URI1: variants seen among roughly 807,000 people sequenced by gnomAD.
URI1 encodes URI1 prefoldin like chaperone.
URI1 carries 39 observed loss-of-function variants against 60.2 expected under a neutral mutation model. The observed-to-expected ratio is 0.65, with a 90% CI of 0.50 to 0.85. The LOEUF is 0.85. Among genes scored for constraint, URI1 ranks in the 40% least tolerant of loss-of-function variants. The pLI is 0.00. For synonymous variants in URI1, 251 were observed against 236.8 expected (o/e 1.06, Z -0.55); for missense variants, 691 against 665.9 (o/e 1.04, Z -0.42).
chr19:29,941,113 G>C (rs1029329396), upstream of URI1, among the ~76,000 whole-genome samples: 6 of 152,176 alleles, frequency 3.9e-5, no homozygotes, highest in East Asian at 1.9e-4. Flanking sequence ...AGGAGTGAGG[G>C]AAGAGAAGCA....
intron 1 of URI1, among the ~76,000 whole-genome samples, chr19:29,959,804 A>ATT (rs34181887): frequency 2.0e-5 from 3 of 151,594 alleles, no homozygotes; most frequent in Non-Finnish European, 4.4e-5. Context: ...TTTGCCTTTG[A>ATT]TTTTTTTCCT....
chr19:30,005,244 T>C, intron 4 of URI1, 117 bp from the exon 5 acceptor site: 1 of 599,180 alleles, frequency 1.7e-6, no homozygotes, highest in Non-Finnish European at 2.9e-6. Flanking sequence ...TAGTGTAAGA[T>C]TTTTGAAAAG....
At chr19:29,982,760 A>T (rs1161417064) in intron 2 of URI1, among the ~76,000 whole-genome samples, 1 of 152,196 alleles carries the variant, frequency 6.6e-6, no homozygotes. Context: ...CTTGTAGGTA[A>T]TAGTCTTTCT....
At chr19:29,974,928 G>A (rs138439074) in intron 2 of URI1, among the ~76,000 whole-genome samples, 1,593 of 152,266 alleles carry the variant, frequency 0.01, 12 homozygotes, top group Non-Finnish European at 0.015. Context: ...TTTTTTATGG[G>A]TGTGTAGTAG....
Position 30,011,229 on chromosome 19 carries a change from A to G in URI1, c.1171A>G (p.Ile391Val), listed in dbSNP as rs1656301025. 6.2e-7 allele frequency: 1 copy of G among 1,606,360 alleles called. No individual in the cohort carries two copies. Among genetic ancestry groups the G allele is most frequent in the South Asian group, 1.1e-5 (1 of 89,184 alleles). Residue 391 changes from isoleucine to valine, a missense_variant, in exon 9 of 11, where the codon ATT becomes GTT. By Grantham distance (29) the Ile-to-Val change is conservative. Coordinates refer to ENST00000392271, the MANE Select transcript of URI1 (RefSeq NM_003796.3). ...GCCGACCATCAGGACGCCTGCAGAC[A>G]TTTACAGGTGGGAGGCGCTCACAGC... ...ELPTIRTPAD[I>V]YRAFVDVVNG...
intron 4 of URI1, among the ~76,000 whole-genome samples, chr19:30,004,978 A>G (rs1248333662): frequency 2.0e-5 from 3 of 152,008 alleles, no homozygotes; most frequent in East Asian, 1.9e-4. Context: ...AATCTATGTT[A>G]TCTATGCATT....
chr19:29,952,519 C>T (rs1396242717), intron 1 of URI1, among the ~76,000 whole-genome samples: 1 of 152,092 alleles, frequency 6.6e-6, no homozygotes, highest in Non-Finnish European at 1.5e-5. Context: ...GGCATGGTTT[C>T]TTCTAGGACT....
chr19:29,937,201 C>T lies in URI1; in HGVS notation c.63+13447C>T, dbSNP rs151094663. 3.9e-3 allele frequency among the ~76,000 whole-genome samples: 587 copies of T among 152,228 alleles called. 6 individuals carry two copies. The highest frequency in any genetic ancestry group is 0.013 in the African/African-American group (557 of 41,550). On this transcript the variant is annotated intron_variant, in intron 1 of 10. Transcript: ENST00000360605. Reference sequence around the variant, plus strand: ...TCTAAGTTCAAGCTATTGTACTTTTCGGCTCCAGGATTTCTATTTTGTTCC... The same window carrying T: ...TCTAAGTTCAAGCTATTGTACTTTTTGGCTCCAGGATTTCTATTTTGTTCC...
chr19:30,015,183 T>C lies in URI1; in HGVS notation c.*114T>C. 2 of 1,456,762 alleles carry C rather than the reference T, an allele frequency of 1.4e-6. No homozygotes were observed. The highest frequency in any genetic ancestry group is 2.4e-5 in the East Asian group (1 of 40,836). 90.2% of individuals were successfully genotyped at this position (1,456,762 alleles called of 1,614,324 possible). ...TGAAATAAGGTATCCTGAGTTACTT[T>C]GGCAACAAGTTCTTTTACCCTTACC... On this transcript the variant is annotated 3_prime_UTR_variant, in exon 11 of 11. Coordinates refer to ENST00000392271, the MANE Select transcript of URI1 (RefSeq NM_003796.3).
chr19:29,927,262 T>C (rs1219381819), intron 1 of URI1, among the ~76,000 whole-genome samples: 1 of 8,750 alleles, frequency 1.1e-4, no homozygotes, highest in Non-Finnish European at 5.8e-4. Context: ...TTCATCCCTC[T>C]TTTTTTTTTT....
At position 30,012,537 on chromosome 19, in the gene URI1, T is replaced by C; in HGVS notation, c.1425+6T>C. 2 of 1,611,732 alleles carry C rather than the reference T, an allele frequency of 1.2e-6. No homozygotes were observed. Among genetic ancestry groups the C allele is most frequent in the Non-Finnish European group, 1.7e-6 (2 of 1,178,666 alleles). ...CCTTATCAGTAACACCTGAGGTGTG[T>C]GTGTGTATCTTTTAATTCTTTATTT... On this transcript the variant is annotated splice_donor_region_variant and intron_variant, in intron 10 of 10. Coordinates refer to ENST00000392271, the MANE Select transcript of URI1 (RefSeq NM_003796.3).
chr19:29,971,689 CTTT>C (rs533979534), intron 2 of URI1, among the ~76,000 whole-genome samples: 3 of 138,542 alleles, frequency 2.2e-5, no homozygotes, highest in Admixed American at 7.2e-5. Flanking sequence ...ATTGACTGTA[CTTT>C]TTTTTTTTTT....
At chr19:29,965,099 G>A (rs1272239509) in intron 1 of URI1, among the ~76,000 whole-genome samples, 1 of 152,088 alleles carries the variant, frequency 6.6e-6, no homozygotes, top group African/African-American at 2.4e-5. Flanking sequence ...CATTTATGTT[G>A]TTTCCTGTAC....
chr19:29,966,079 A>G (rs1254733533), intron 1 of URI1, among the ~76,000 whole-genome samples: 1 of 152,226 alleles, frequency 6.6e-6, no homozygotes, highest in African/African-American at 2.4e-5. Context: ...GCTTTGCAGC[A>G]TATTTGGAAC....
intron 1 of URI1, among the ~76,000 whole-genome samples, chr19:29,955,185 C>T (rs549724210): frequency 6.6e-6 from 1 of 150,994 alleles, no homozygotes; most frequent in Non-Finnish European, 1.5e-5. Flanking sequence ...AGGATGGTCT[C>T]GATCTCCTGA....
chr19:29,961,670 T>TG (rs981510653), intron 1 of URI1, among the ~76,000 whole-genome samples: 1 of 56,594 alleles, frequency 1.8e-5, no homozygotes, highest in African/African-American at 6.2e-5. Flanking sequence ...GATTCTTTTT[T>TG]TTTTGTTTTT....
intron 2 of URI1, among the ~76,000 whole-genome samples, chr19:29,978,406 C>T (rs2055552167): frequency 6.6e-6 from 1 of 152,188 alleles, no homozygotes; most frequent in Non-Finnish European, 1.5e-5. Flanking sequence ...TTAGGGCTTA[C>T]TGCTTTGGGC....
rs533388306 is a variant in URI1, at chr19:30,010,212, G to A, written c.1035+859G>A. On this transcript the variant is annotated intron_variant, in intron 8 of 10. Transcript: ENST00000392271. ...CACAATATCCCGATTGCCTGTATCA[G>A]TTAAGGGTCTGTGGTATCATTCTTA... 2.6e-5 allele frequency among the ~76,000 whole-genome samples: 4 copies of A among 152,312 alleles called. No individual in the cohort carries two copies. The South Asian group carries it at 8.3e-4, about 32-fold the overall frequency.
intron 9 of URI1, among the ~76,000 whole-genome samples, chr19:30,011,643 T>G (rs1425553803): frequency 1.3e-5 from 2 of 151,908 alleles, no homozygotes; most frequent in Non-Finnish European, 2.9e-5. Flanking sequence ...TCCTTTTTTT[T>G]GGAATTGTTT....
Sources: allele counts gnomAD v4.1 joint callset (sites outside exome capture counted in the v4.1 genomes callset), GRCh38; gene constraint gnomAD v4.1.1; transcripts MANE v1.5; gene names NCBI Gene and HGNC (gene_info 2026-07-23, HGNC 2026-07-21).